DCP2: variants seen among roughly 807,000 people sequenced by gnomAD.
The protein encoded by DCP2 is m7GpppN-mRNA hydrolase.
A neutral mutation model predicts 56.1 loss-of-function variants in DCP2; 30 were observed. That is an observed-to-expected ratio of 0.53 (90% CI 0.40 to 0.73). The LOEUF (loss-of-function observed/expected upper bound fraction) is 0.73, where lower values mean the gene tolerates loss of function less well. DCP2 is among the 30% of genes least tolerant of loss of function. The pLI is 0.00. For synonymous variants in DCP2, 197 were observed against 163.3 expected, an observed-to-expected ratio of 1.21 and a Z score of -1.57; for missense variants, 533 against 502.7, an observed-to-expected ratio of 1.06 and a Z score of -0.58.
intron 10 of DCP2, 69 bp from the exon 11 acceptor site, chr5:113,013,252 G>A: frequency 6.7e-7 from 1 of 1,490,530 alleles, no homozygotes; most frequent in Non-Finnish European, 9.0e-7. Context: ...TGTAACAAAA[G>A]GCAAAGGGCA....
chr5:113,013,911 CAAG>C lies in DCP2; in HGVS notation c.*429_*431del, dbSNP rs1749781019. 2 of 154,420 alleles carry C rather than the reference CAAG, an allele frequency of 1.3e-5. No homozygotes were observed. Among genetic ancestry groups the C allele is most frequent in the Admixed American group, 1.3e-4 (2 of 15,526 alleles). 9.6% of individuals were successfully genotyped at this position (154,420 alleles called of 1,614,324 possible). ...GTAATGCCCAATTATTAAATGAACA[CAAG>C]AGCTGAGATGTCACATTCGTCAGCA... On this transcript the variant is annotated 3_prime_UTR_variant, in exon 11 of 11. Transcript: ENST00000389063.
In DCP2 at chr5:113,016,353, GAAGT is replaced by G. The variant is rs1749885726; in HGVS notation, c.*2870_*2873del. 2 of 152,526 alleles carry G rather than the reference GAAGT, an allele frequency of 1.3e-5. No individual in the cohort carries two copies. Among genetic ancestry groups the G allele is most frequent in the Non-Finnish European group, 2.9e-5 (2 of 68,030 alleles). The allele number at this position is 152,526 out of a possible 1,614,324, so 9.4% of individuals were successfully genotyped here. Reference sequence around the variant, plus strand: ...AATTTGATTAAAGATGTTGGAAAATGAAGTTGGATTTTTGTATTCATGTATAAAG... The same window carrying G: ...AATTTGATTAAAGATGTTGGAAAATGTGGATTTTTGTATTCATGTATAAAG... On this transcript the variant is annotated 3_prime_UTR_variant, in exon 11 of 11. Coordinates refer to ENST00000389063, the MANE Select transcript of DCP2 (RefSeq NM_152624.6).
chr5:113,005,806 A>T (rs1749403581), intron 8 of DCP2, among the ~76,000 whole-genome samples: 1 of 152,234 alleles, frequency 6.6e-6, no homozygotes, highest in African/African-American at 2.4e-5. Flanking sequence ...CACATAATGG[A>T]ATATCATTCA....
rs199928421 is a variant in DCP2, at chr5:112,983,698, G to GA, written c.54-2128dup. ...AGATATTAGAAGCATCCAGACTGGG[G>GA]AAAAAAAAAGGTCATATACAAAACA... On this transcript the variant is annotated intron_variant, in intron 1 of 10. Coordinates refer to ENST00000389063, the MANE Select transcript of DCP2 (RefSeq NM_152624.6). Among the ~76,000 whole-genome samples, 34 of 150,032 alleles carry GA rather than the reference G, an allele frequency of 2.3e-4. No individual in the cohort carries two copies. In the Middle Eastern group the frequency reaches 0.014, roughly 60 times the overall value.
At chr5:112,989,423 T>A (rs1005701585) in intron 2 of DCP2, among the ~76,000 whole-genome samples, 1 of 151,036 alleles carries the variant, frequency 6.6e-6, no homozygotes, top group Non-Finnish European at 1.5e-5. Context: ...TGTTAACTAT[T>A]ACTCCAAAAA....
At position 112,976,824 on chromosome 5, in the gene DCP2, C is replaced by G. The variant is rs766870553; in HGVS notation, c.-110C>G. The stretch of plus-strand genomic sequence containing the variant: ...TCGTCTCCGTTGGAGTCGTCTCTGC[C>G]GCGGCTTCCTCGGCTGCCAGCTCTC... On this transcript the variant is annotated 5_prime_UTR_variant, in exon 1 of 11. Transcript: ENST00000389063. 1.8e-6 allele frequency: 2 copies of G among 1,124,274 alleles called. No homozygotes were observed. Among genetic ancestry groups the G allele is most frequent in the Non-Finnish European group, 2.7e-6 (2 of 732,640 alleles). 69.6% of individuals were successfully genotyped at this position (1,124,274 alleles called of 1,614,324 possible). A position where few individuals can be genotyped will look rare whatever the true frequency, so the allele number is the denominator to read the frequency against.
intron 2 of DCP2, 42 bp from the exon 3 acceptor site, chr5:112,992,079 C>T (rs1338549772): frequency 2.5e-6 from 4 of 1,603,454 alleles, no homozygotes; most frequent in African/African-American, 2.7e-5. Flanking sequence ...ATTTCTCAAG[C>T]CATATTAAAG....
At chr5:112,988,111 G>A (rs780004218) in intron 2 of DCP2, among the ~76,000 whole-genome samples, 1 of 152,088 alleles carries the variant, frequency 6.6e-6, no homozygotes, top group Non-Finnish European at 1.5e-5. Context: ...ATGAAACAGT[G>A]ATTGTTCTGT....
intron 9 of DCP2, among the ~76,000 whole-genome samples, chr5:113,008,708 C>G (rs1749549500): frequency 6.6e-6 from 1 of 152,146 alleles, no homozygotes; most frequent in African/African-American, 2.4e-5. Flanking sequence ...GTTCTAATGA[C>G]TCATTTGACT....
intron 4 of DCP2, among the ~76,000 whole-genome samples, chr5:112,994,966 A>C (rs1472698197): frequency 6.6e-6 from 1 of 151,910 alleles, no homozygotes; most frequent in Non-Finnish European, 1.5e-5. Flanking sequence ...TGTATGTTTG[A>C]CTCGATTTCC....
At chr5:112,985,373 T>G (rs33544) in intron 1 of DCP2, among the ~76,000 whole-genome samples, 2 of 151,996 alleles carry the variant, frequency 1.3e-5, no homozygotes, top group Non-Finnish European at 2.9e-5. Flanking sequence ...AGGTGAGGCT[T>G]TTTGGGAAGT....
chr5:112,993,137 A>G (rs1312073024), intron 4 of DCP2, among the ~76,000 whole-genome samples: 2 of 151,730 alleles, frequency 1.3e-5, no homozygotes, highest in African/African-American at 4.8e-5. Flanking sequence ...ACAATTTGGG[A>G]TTTTCTAAGA....
chr5:112,990,050 G>T (rs1748509161), intron 2 of DCP2, among the ~76,000 whole-genome samples: 1 of 152,146 alleles, frequency 6.6e-6, no homozygotes, highest in Non-Finnish European at 1.5e-5. Context: ...AATTCAAAGG[G>T]TAAGTTTGAG....
At chr5:112,992,641 A>G (rs1452534949) in intron 3 of DCP2, 31 bp from the exon 4 acceptor site, 1 of 1,480,808 alleles carries the variant, frequency 6.8e-7, no homozygotes, top group Non-Finnish European at 9.2e-7. Flanking sequence ...AAGGAGGGCA[A>G]GTTTGATTTT....
intron 2 of DCP2, among the ~76,000 whole-genome samples, chr5:112,987,388 A>T (rs1157399217): frequency 6.6e-6 from 1 of 152,150 alleles, no homozygotes; most frequent in East Asian, 1.9e-4. Context: ...GGAAAGTCAT[A>T]TGAGGTGATG....
In DCP2 at chr5:112,976,995, C is replaced by T. The variant is rs903693029; in HGVS notation, c.53+9C>T. ...CTGGACGATCTCTGCAGGTACCGCG[C>T]TACCCGACCCCCTTTCGCCCCCGTC... On this transcript the variant is annotated intron_variant, in intron 1 of 10. Coordinates refer to ENST00000389063, the MANE Select transcript of DCP2 (RefSeq NM_152624.6). 1 of 1,533,838 alleles carries T rather than the reference C, an allele frequency of 6.5e-7. No homozygotes were observed. The highest frequency in any genetic ancestry group is 1.4e-5 in the African/African-American group (1 of 72,290).
chr5:112,979,250 C>T lies in DCP2; in HGVS notation c.53+2264C>T, dbSNP rs185761704. 3.0e-3 allele frequency among the ~76,000 whole-genome samples: 456 copies of T among 152,166 alleles called. 2 individuals are homozygous for T. The highest frequency in any genetic ancestry group is 0.01 in the African/African-American group (426 of 41,540). On this transcript the variant is annotated intron_variant, in intron 1 of 10. Transcript: ENST00000389063. Reference sequence around the variant, plus strand: ...GATATGATATATTTAAAAATTAGGGCTGGCTGTAATAATGAAACCAAATAA... The same window carrying T: ...GATATGATATATTTAAAAATTAGGGTTGGCTGTAATAATGAAACCAAATAA...
intron 4 of DCP2, among the ~76,000 whole-genome samples, chr5:112,994,995 C>G (rs185358482): frequency 3.6e-4 from 55 of 152,190 alleles, no homozygotes; most frequent in African/African-American, 1.2e-3. Context: ...TGTTTACTGC[C>G]TACTTTAAGT....
At chr5:113,008,104 A>G (rs1749522997) in intron 9 of DCP2, 62 bp downstream of exon 9, 2 of 1,339,438 alleles carry the variant, frequency 1.5e-6, no homozygotes, top group South Asian at 1.2e-5. Flanking sequence ...AAACAAGGGC[A>G]TTGCCAAAGC....
Sources: allele counts gnomAD v4.1 joint callset (sites outside exome capture counted in the v4.1 genomes callset), GRCh38; gene constraint gnomAD v4.1.1; transcripts MANE v1.5; gene names NCBI Gene and HGNC (gene_info 2026-07-23, HGNC 2026-07-21).